Variants in PIK3R3 observed in about 807,000 individuals in gnomAD.
The protein encoded by PIK3R3 is phosphoinositide-3-kinase regulatory subunit 3, also known as phosphatidylinositol 3-kinase regulatory subunit gamma.
A neutral mutation model predicts 62.9 loss-of-function variants in PIK3R3; 64 were observed. The observed-to-expected ratio is 1.02, with a 90% confidence interval of 0.83 to 1.25. The LOEUF (loss-of-function observed/expected upper bound fraction) is 1.25. Among genes scored for constraint, PIK3R3 ranks in the 50% most tolerant of loss-of-function variants. The pLI is 0.00. For missense variants in PIK3R3, 614 were observed against 561.6 expected (o/e 1.09, Z -0.94); for synonymous variants, 165 against 189.0 (o/e 0.87, Z 1.04).
the PIK3R3 span, among the ~76,000 whole-genome samples, chr1:46,168,243 TCTAAGCTCTTAGTATA>T: frequency 6.6e-6 from 1 of 152,206 alleles, no homozygotes; most frequent in Non-Finnish European, 1.5e-5. Context: ...TCCCTACTTC[TCTAAGCTCTTAGTATA>T]CTAAGTCCAA....
chr1:46,163,869 C>A, the PIK3R3 span, among the ~76,000 whole-genome samples: 1 of 152,236 alleles, frequency 6.6e-6, no homozygotes, highest in Non-Finnish European at 1.5e-5. Flanking sequence ...CTGTCCCCCT[C>A]CTTGGATTCT....
At chr1:46,145,206 T>C in the PIK3R3 span, among the ~76,000 whole-genome samples, 1 of 151,160 alleles carries the variant, frequency 6.6e-6, no homozygotes, top group African/African-American at 2.4e-5. Context: ...ATGGGGGAGA[T>C]GGGAGGGAGA....
chr1:46,094,170 C>T (rs1399636250), intron 1 of PIK3R3, among the ~76,000 whole-genome samples: 2 of 151,420 alleles, frequency 1.3e-5, no homozygotes, highest in East Asian at 1.9e-4. Context: ...GTTAAAGAAC[C>T]AAGAAACAAG....
intron 1 of PIK3R3, among the ~76,000 whole-genome samples, chr1:46,081,620 C>A (rs1258604801): frequency 6.6e-6 from 1 of 152,166 alleles, no homozygotes. Context: ...AGCAATGAAA[C>A]TGGTCCCTGG....
chr1:46,170,756 A>G, the PIK3R3 span, among the ~76,000 whole-genome samples: 1 of 151,610 alleles, frequency 6.6e-6, no homozygotes, highest in African/African-American at 2.4e-5. Flanking sequence ...CAGGCTCCCT[A>G]CCTCCCCTCA....
intron 1 of PIK3R3, among the ~76,000 whole-genome samples, chr1:46,122,749 AT>A (rs559196443): frequency 2.6e-5 from 4 of 151,858 alleles, no homozygotes; most frequent in Non-Finnish European, 5.9e-5. Context: ...TAAGTATTGC[AT>A]TTTTTTTCAT....
chr1:46,172,614 C>T, the PIK3R3 span, among the ~76,000 whole-genome samples: 2 of 152,092 alleles, frequency 1.3e-5, no homozygotes, highest in South Asian at 2.1e-4. Flanking sequence ...AGATTGTGCC[C>T]AGGAGACTGA....
intron 1 of PIK3R3, among the ~76,000 whole-genome samples, chr1:46,118,340 T>C (rs955758063): frequency 5.3e-5 from 8 of 152,126 alleles, no homozygotes; most frequent in Admixed American, 6.6e-5. Flanking sequence ...AGCTTGACTG[T>C]TGCAATAGCC....
At chr1:46,096,681 G>A (rs1018124140) in intron 1 of PIK3R3, among the ~76,000 whole-genome samples, 11 of 152,014 alleles carry the variant, frequency 7.2e-5, no homozygotes, top group African/African-American at 1.4e-4. Flanking sequence ...CCGATCACCC[G>A]AGGTCAACAG....
intron 3 of PIK3R3, among the ~76,000 whole-genome samples, chr1:46,076,019 C>A (rs1035764552): frequency 6.6e-6 from 1 of 152,050 alleles, no homozygotes; most frequent in Admixed American, 6.5e-5. Context: ...AAATTTTTTT[C>A]TTTCTTTTTG....
At chr1:46,117,614 G>A (rs993685845) in intron 1 of PIK3R3, among the ~76,000 whole-genome samples, 1 of 152,160 alleles carries the variant, frequency 6.6e-6, no homozygotes, top group African/African-American at 2.4e-5. Context: ...GGGCATGGTG[G>A]CATGCACTTG....
chr1:46,058,769 G>C (rs1279790270), intron 6 of PIK3R3, among the ~76,000 whole-genome samples: 1 of 152,140 alleles, frequency 6.6e-6, no homozygotes, highest in Non-Finnish European at 1.5e-5. Flanking sequence ...GATTTTACAG[G>C]CTTATAGGCA....
intron 7 of PIK3R3, among the ~76,000 whole-genome samples, chr1:46,049,768 A>G (rs555521546): frequency 1.3e-5 from 2 of 152,178 alleles, no homozygotes; most frequent in Non-Finnish European, 2.9e-5. Context: ...ACAGAGATCA[A>G]ATATTTTTAA....
chr1:46,133,033 G>A (rs925448585), upstream of PIK3R3: 2 of 1,024,814 alleles, frequency 2.0e-6, no homozygotes, highest in Admixed American at 1.1e-4. Flanking sequence ...GGCTGAGGCC[G>A]GTTGCCGGAG....
intron 1 of PIK3R3, among the ~76,000 whole-genome samples, chr1:46,111,504 T>C (rs999949794): frequency 1.3e-5 from 2 of 152,032 alleles, no homozygotes; most frequent in African/African-American, 4.8e-5. Context: ...GGCGGGCAGA[T>C]CACTTGAGGC....
rs2149366828 is a variant in PIK3R3, at chr1:46,040,796, T to A, written c.*2877A>T. 1 of 188,126 alleles carries A rather than the reference T, an allele frequency of 5.3e-6. No homozygotes were observed. Among genetic ancestry groups the A allele is most frequent in the Middle Eastern group, 1.9e-3 (1 of 516 alleles). 11.7% of individuals were successfully genotyped at this position (188,126 alleles called of 1,614,324 possible). On this transcript the variant is annotated 3_prime_UTR_variant, in exon 10 of 10. Coordinates refer to ENST00000262741, the MANE Select transcript of PIK3R3 (RefSeq NM_003629.4). ...GAGGCCTAAATAAGTGGAGGTCCCATCAAGGCTTGGAGAGGGAGTGAAAGT... is the reference window on the plus strand; with the variant it reads ...GAGGCCTAAATAAGTGGAGGTCCCAACAAGGCTTGGAGAGGGAGTGAAAGT...
rs1025929903 is a variant in PIK3R3, at chr1:46,044,725, C to T, written c.1188-854G>A. 1.3e-5 allele frequency among the ~76,000 whole-genome samples: 2 copies of T among 152,188 alleles called. No homozygotes were observed. The highest frequency in any genetic ancestry group is 2.1e-4 in the South Asian group (1 of 4,824). ...ACCTTTTCCACAAAACCTCCCAATCCGCTCTTTCTCCACTAAAATTAATGC... is the reference window on the plus strand; with the variant it reads ...ACCTTTTCCACAAAACCTCCCAATCTGCTCTTTCTCCACTAAAATTAATGC... On this transcript the variant is annotated intron_variant, in intron 9 of 9. Coordinates refer to ENST00000262741, the MANE Select transcript of PIK3R3 (RefSeq NM_003629.4). This position sits in a 1 kb window ranked among gnomAD's most constrained non-coding sequence, Gnocchi z 4.2.
At chr1:46,162,216 G>T in the PIK3R3 span, among the ~76,000 whole-genome samples, 1 of 152,216 alleles carries the variant, frequency 6.6e-6, no homozygotes, top group Non-Finnish European at 1.5e-5. Context: ...GAGTGGGGTG[G>T]CTCATGCCTG....
chr1:46,144,607 A>C, the PIK3R3 span, among the ~76,000 whole-genome samples: 1 of 152,138 alleles, frequency 6.6e-6, no homozygotes, highest in Non-Finnish European at 1.5e-5. Context: ...GTCTCTACTA[A>C]GAATACAAAA....
Sources: allele counts gnomAD v4.1 joint callset (sites outside exome capture counted in the v4.1 genomes callset), GRCh38; gene constraint gnomAD v4.1.1; non-coding constraint Gnocchi (gnomAD v3.1); transcripts MANE v1.5; gene names NCBI Gene and HGNC (gene_info 2026-07-23, HGNC 2026-07-21).